The following TNKS1BP1 variants were observed in gnomAD, a reference collection of about 807,000 sequenced individuals.
The protein encoded by TNKS1BP1 is CCR4-NOT transcription complex subunit 12.
A neutral mutation model predicts 141.1 loss-of-function variants in TNKS1BP1; 48 were observed. The observed-to-expected ratio is 0.34, with a 90% CI of 0.27 to 0.43. TNKS1BP1 has a LOEUF of 0.43. Among genes scored for constraint, TNKS1BP1 ranks in the 20% least tolerant of loss-of-function variants. The pLI, the probability that TNKS1BP1 is intolerant of heterozygous loss-of-function variation, is 1.00. For synonymous variants in TNKS1BP1, 875 were observed against 898.2 expected (o/e 0.97, Z 0.46); for missense variants, 2,149 against 2,226.0 (o/e 0.97, Z 0.70).
rs1352219573 is a variant in TNKS1BP1, at chr11:57,308,895, C to T, written c.3816G>A (p.Arg1272=). ...GVEAGEFLKS[R]ERGVGQADWT... is the part of the protein sequence containing the mutation. ...AGTCTGCCTGTCCAACTCCACGCTC[C>T]CTTGATTTAAGGAACTCTCCGGCCT... is the stretch of plus-strand genomic sequence containing the variant. Residue 1272 remains arginine (R), a synonymous_variant, in exon 6 of 12, where the codon AGG becomes AGA. Coordinates refer to ENST00000358252, the MANE Select transcript of TNKS1BP1 (RefSeq NM_033396.3). The T allele has an allele frequency of 4.3e-6, 7 of 1,614,002 alleles. No individual in the cohort carries two copies. The highest frequency in any genetic ancestry group is 3.3e-5 in the South Asian group (3 of 91,084).
chr11:57,315,368 T>A (rs904253524), intron 4 of TNKS1BP1, among the ~76,000 whole-genome samples: 2 of 152,032 alleles, frequency 1.3e-5, no homozygotes, highest in Non-Finnish European at 2.9e-5. Flanking sequence ...TCTCTTCTTA[T>A]CACCATTAAC....
Position 57,320,644 on chromosome 11 carries a change from C to T in TNKS1BP1, c.163G>A (p.Ala55Thr). Residue 55 changes from alanine to threonine, a missense_variant, in exon 3 of 12, where the codon GCC becomes ACC. By Grantham distance (58) the Ala-to-Thr change is moderately conservative. Transcript: ENST00000358252. ...ACAGGCACCAGCAGGCTGGGTTTGG[C>T]AGGCAGGGCTGGCTTGGCAGGCAGG... is the stretch of plus-strand genomic sequence containing the variant. The part of the protein sequence containing the change: ...RALPAKPALP[A>T]KPSLLVPVGP... The T allele has an allele frequency of 1.2e-6, 2 of 1,611,254 alleles. No individual in the cohort carries two copies. The highest frequency in any genetic ancestry group is 1.1e-5 in the South Asian group (1 of 90,984).
rs2134375076 is a variant in TNKS1BP1 at position 57,320,690 on chromosome 11, A to T, written c.117T>A (p.Pro39=). ...SEPGDTRAKP[P]VKPKPRALPA... Reference sequence around the variant, plus strand: ...GCAGGGCCCGGGGTTTGGGCTTGACAGGGGGTTTGGCCCGAGTGTCACCTA... The same window carrying T: ...GCAGGGCCCGGGGTTTGGGCTTGACTGGGGGTTTGGCCCGAGTGTCACCTA... Residue 39 remains proline, a synonymous_variant, in exon 3 of 12, where the codon CCT becomes CCA. Transcript: ENST00000358252. The T allele has an allele frequency of 6.2e-7, 1 of 1,601,950 alleles. No homozygotes were observed. Among genetic ancestry groups the T allele is most frequent in the East Asian group, 2.2e-5 (1 of 44,656 alleles).
chr11:57,315,273 C>T (rs747546209), intron 4 of TNKS1BP1, among the ~76,000 whole-genome samples: 5 of 151,726 alleles, frequency 3.3e-5, no homozygotes, highest in Admixed American at 6.6e-5. Flanking sequence ...ATTTCCCCAA[C>T]GCCCTTATTT....
In TNKS1BP1 at chr11:57,308,583, G is replaced by A. The variant is rs146653789; in HGVS notation, c.4128C>T (p.Pro1376=). The change falls in exon 6 of 12, where the codon CCC becomes CCT. Residue 1376 remains proline, a synonymous_variant. Transcript: ENST00000358252. ...GVGGVSQCPE[P]GLRHNGSLSP... ...ACAAGCTGCCATTGTGCCTCAGGCC[G>A]GGCTCTGGGCACTGGCTCACCCCGC... The A allele has an allele frequency of 4.3e-5, 70 of 1,613,874 alleles. No individual in the cohort carries two copies. The highest frequency in any genetic ancestry group is 5.7e-5 in the Non-Finnish European group (67 of 1,179,984).
intron 6 of TNKS1BP1, among the ~76,000 whole-genome samples, chr11:57,306,293 A>AAAAAC (rs1855608950): frequency 6.8e-6 from 1 of 146,132 alleles, no homozygotes; most frequent in Non-Finnish European, 1.5e-5. Flanking sequence ...TTCAAAAAAA[A>AAAAAC]AAAGAGAAAG....
chr11:57,300,752 C>T lies in TNKS1BP1; in HGVS notation c.5129+132G>A, dbSNP rs576970031. 2.6e-4 allele frequency: 381 copies of T among 1,490,658 alleles called. 1 individual carries two copies. The South Asian group carries it at 4.5e-3, about 18-fold the overall frequency. 92.3% of individuals were successfully genotyped at this position (1,490,658 alleles called of 1,614,324 possible). Reference sequence around the variant, plus strand: ...CCAAATTCTGACACCATCTTCATACCGTTCATCTGGGGCATGTCCGACTGA... The same window carrying T: ...CCAAATTCTGACACCATCTTCATACTGTTCATCTGGGGCATGTCCGACTGA... On this transcript the variant is annotated intron_variant, in intron 10 of 11. Transcript: ENST00000358252.
intron 3 of TNKS1BP1, 90 bp downstream of exon 3, chr11:57,319,989 G>T: frequency 6.5e-7 from 1 of 1,533,730 alleles, no homozygotes; most frequent in Non-Finnish European, 8.8e-7. Flanking sequence ...AACCCTATAT[G>T]GGGCCATGCA....
At chr11:57,318,884 C>T (rs1451002058) in intron 3 of TNKS1BP1, among the ~76,000 whole-genome samples, 1 of 152,242 alleles carries the variant, frequency 6.6e-6, no homozygotes, top group Non-Finnish European at 1.5e-5. Flanking sequence ...GTGGCTCACG[C>T]CTGTAATCCC....
At chr11:57,322,003 G>C in intron 1 of TNKS1BP1, 53 bp from the exon 2 acceptor site, 2 of 1,410,114 alleles carry the variant, frequency 1.4e-6, no homozygotes, top group Non-Finnish European at 1.9e-6. Context: ...TTGCCAGTAG[G>C]TTTAGCAGAG....
chr11:57,300,275 A>C (rs1473461184), intron 11 of TNKS1BP1, among the ~76,000 whole-genome samples, 194 bp from the exon 12 acceptor site: 1 of 152,112 alleles, frequency 6.6e-6, no homozygotes, highest in Non-Finnish European at 1.5e-5. Flanking sequence ...ACTGTCCCTG[A>C]GCACAGGGAA....
At position 57,308,926 on chromosome 11, in the gene TNKS1BP1, C is replaced by G; in HGVS notation, c.3785G>C (p.Gly1262Ala). 1 of 1,614,050 alleles carries G rather than the reference C, an allele frequency of 6.2e-7. No homozygotes were observed. Among genetic ancestry groups the G allele is most frequent in the Non-Finnish European group, 8.5e-7 (1 of 1,180,024 alleles). The change falls in exon 6 of 12, where the codon GGT (glycine) becomes GCT (alanine). Residue 1262 changes from glycine to alanine, a missense_variant. Transcript: ENST00000358252. The part of the protein sequence containing the change: ...ESGVGQTDWS[G>A]VEAGEFLKSR... ...TTTAAGGAACTCTCCGGCCTCCACA[C>G]CTGACCAGTCAGTCTGCCCCACGCC...
In TNKS1BP1 at chr11:57,310,281, A is replaced by G; in HGVS notation, c.2430T>C (p.Ser810=). 1 of 1,613,266 alleles carries G rather than the reference A, an allele frequency of 6.2e-7. No homozygotes were observed. Among genetic ancestry groups the G allele is most frequent in the Admixed American group, 1.7e-5 (1 of 59,974 alleles). ...TGAGCACCCCTGGGGCAGACACTTTACTCTGGTCTTGGCTGCTGCTGGCCT... is the reference window on the plus strand; with the variant it reads ...TGAGCACCCCTGGGGCAGACACTTTGCTCTGGTCTTGGCTGCTGCTGGCCT... ...EMEASSSQDQ[S]KVSAPGVLTA... is the part of the protein sequence containing the mutation. The change falls in exon 6 of 12, where the codon AGT becomes AGC. Residue 810 remains serine, a synonymous_variant. Coordinates refer to ENST00000358252, the MANE Select transcript of TNKS1BP1 (RefSeq NM_033396.3).
In TNKS1BP1 at chr11:57,313,405, AATC is replaced by A; in HGVS notation, c.1280_1282del (p.Arg427_Phe428delinsLeu). 6.2e-7 allele frequency: 1 copy of A among 1,612,072 alleles called. No individual in the cohort carries two copies. The highest frequency in any genetic ancestry group is 1.7e-5 in the Admixed American group (1 of 59,940). Reference sequence around the variant, plus strand: ...GGGTGACTGGAGCACACCTTCAGAGAATCGGCGCTGAACCAGGCTGGTGGGGCG... The same window carrying A: ...GGGTGACTGGAGCACACCTTCAGAGAGGCGCTGAACCAGGCTGGTGGGGCG... On this transcript the variant is annotated inframe_deletion, in exon 5 of 12. Transcript: ENST00000358252.
chr11:57,311,080 T>G (rs1379730551), intron 5 of TNKS1BP1, among the ~76,000 whole-genome samples: 2 of 152,068 alleles, frequency 1.3e-5, no homozygotes, highest in South Asian at 2.1e-4. Flanking sequence ...CAGGCCCTTC[T>G]TCCCCAGCCA....
In TNKS1BP1 at chr11:57,311,389, G is replaced by A. The variant is rs551114071; in HGVS notation, c.2155-833C>T. 5 of 985,672 alleles carry A rather than the reference G, an allele frequency of 5.1e-6. No individual in the cohort carries two copies. The East Asian group carries it at 5.7e-4, about 112-fold the overall frequency. The allele number at this position is 985,672 out of a possible 1,614,324, so 61.1% of individuals were successfully genotyped here. A position where few individuals can be genotyped will look rare whatever the true frequency, so the allele number is the denominator to read the frequency against. ...GGCCCCCCGCCCCCAACCCGCCTTG[G>A]GGCTGCTGGGTGCGGCCAGCCGGGC... On this transcript the variant is annotated intron_variant, in intron 5 of 11. Coordinates refer to ENST00000358252, the MANE Select transcript of TNKS1BP1 (RefSeq NM_033396.3).
At position 57,309,523 on chromosome 11, in the gene TNKS1BP1, C is replaced by G; in HGVS notation, c.3188G>C (p.Arg1063Thr). ...ASQEVGGHQERQQAGAQGPGS... is the reference protein window; with the variant it reads ...ASQEVGGHQETQQAGAQGPGS... The stretch of plus-strand genomic sequence containing the variant: ...AGGGCCCTGAGCCCCTGCCTGCTGT[C>G]TCTCCTGATGCCCTCCCACCTCCTG... The change falls in exon 6 of 12, where the codon AGA (arginine) becomes ACA (threonine). Residue 1063 changes from arginine (R) to threonine (T), a missense_variant. Physicochemically the swap from Arg to Thr is moderately conservative, Grantham distance 71 (BLOSUM62 -1). Transcript: ENST00000358252. The surrounding 1 kb of genome is among the most constrained non-coding windows in gnomAD (Gnocchi z 4.3). 1 of 1,613,672 alleles carries G rather than the reference C, an allele frequency of 6.2e-7. No homozygotes were observed. The highest frequency in any genetic ancestry group is 8.5e-7 in the Non-Finnish European group (1 of 1,180,042).
At position 57,308,882 on chromosome 11, in the gene TNKS1BP1, C is replaced by T; in HGVS notation, c.3829G>A (p.Gly1277Arg). 1 of 1,613,972 alleles carries T rather than the reference C, an allele frequency of 6.2e-7. No individual in the cohort carries two copies. The highest frequency in any genetic ancestry group is 8.5e-7 in the Non-Finnish European group (1 of 1,180,026). The change falls in exon 6 of 12, where the codon GGA becomes AGA. Residue 1277 changes from glycine (G) to arginine (R), a missense_variant. By Grantham distance (125) the Gly-to-Arg change is moderately radical. Transcript: ENST00000358252. ...AGGTCAGGTGTCCAGTCTGCCTGTCCAACTCCACGCTCCCTTGATTTAAGG... is the reference window on the plus strand; with the variant it reads ...AGGTCAGGTGTCCAGTCTGCCTGTCTAACTCCACGCTCCCTTGATTTAAGG... ...EFLKSRERGV[G>R]QADWTPDLGL...
At position 57,300,932 on chromosome 11, in the gene TNKS1BP1, C is replaced by A. The variant is rs770328704; in HGVS notation, c.5081G>T (p.Gly1694Val). ...AGGTAACGTGAGGGGCTTTCCCAGT[C>A]CTGGGACCTTGCAGGATTTCGAACG... ...VQRSKSCKVPGLGKPLTLPPK... is the reference protein window; with the variant it reads ...VQRSKSCKVPVLGKPLTLPPK... Residue 1694 changes from glycine to valine, a missense_variant, in exon 10 of 12, where the codon GGA becomes GTA. Gly to Val is a moderately radical substitution (Grantham distance 109). Transcript: ENST00000358252. 4.4e-5 allele frequency: 71 copies of A among 1,614,056 alleles called. 1 individual carries two copies. In the South Asian group the frequency reaches 7.8e-4, roughly 18 times the overall value.
Sources: allele counts gnomAD v4.1 joint callset (sites outside exome capture counted in the v4.1 genomes callset), GRCh38; gene constraint gnomAD v4.1.1; non-coding constraint Gnocchi (gnomAD v3.1); transcripts MANE v1.5; gene names NCBI Gene and HGNC (gene_info 2026-07-23, HGNC 2026-07-21).